Variants in GART observed in about 807,000 individuals in gnomAD.
GART encodes phosphoribosylglycinamide formyltransferase, phosphoribosylglycinamide synthetase, phosphoribosylaminoimidazole synthetase.
GART carries 43 observed loss-of-function variants against 107.2 expected under a neutral mutation model. That is an observed-to-expected ratio of 0.40 (90% CI 0.31 to 0.52). The LOEUF (loss-of-function observed/expected upper bound fraction) is 0.52, where lower values mean the gene tolerates loss of function less well. GART is among the 20% of genes least tolerant of loss of function. The pLI is 0.52. For missense variants in GART, 1,107 were observed against 1,206.5 expected, an observed-to-expected ratio of 0.92 and a Z score of 1.22; for synonymous variants, 434 against 427.0, an observed-to-expected ratio of 1.02 and a Z score of -0.20.
At chr21:33,516,263 A>G (rs1488107571) in intron 16 of GART, among the ~76,000 whole-genome samples, 2 of 150,728 alleles carry the variant, frequency 1.3e-5, no homozygotes, top group Admixed American at 6.6e-5. Context: ...AAAAAAAAAA[A>G]AAAAAGAAAA....
intron 2 of GART, 52 bp downstream of exon 2, chr21:33,539,119 T>C: frequency 6.6e-7 from 1 of 1,519,976 alleles, no homozygotes; most frequent in South Asian, 1.2e-5. Flanking sequence ...GTTGACAGCA[T>C]ACCATTAATA....
chr21:33,522,200 T>C lies in GART; in HGVS notation c.1381A>G (p.Thr461Ala). Residue 461 changes from threonine to alanine, a missense_variant, in exon 12 of 22, where the codon ACT becomes GCT. Physicochemically the swap from Thr to Ala is moderately conservative, Grantham distance 58 (BLOSUM62 0). Coordinates refer to ENST00000381815, the MANE Select transcript of GART (RefSeq NM_000819.5). Reference protein sequence around the residue: ...VKKIQPLAKATSRSGCKVDLG... With the variant: ...VKKIQPLAKAASRSGCKVDLG... ...TAGGATCACTGACCTGATCTGGAAG[T>C]GGCTTTTGCTAAAGGCTGAATTTTC... 6.2e-7 allele frequency: 1 copy of C among 1,613,112 alleles called. No homozygotes were observed.
At position 33,536,192 on chromosome 21, in the gene GART, T is replaced by A. The variant is rs138581717; in HGVS notation, c.146-872A>T. Among the ~76,000 whole-genome samples the A allele has an allele frequency of 3.5e-3, 532 of 152,306 alleles. 1 individual carries two copies. Among genetic ancestry groups the A allele is most frequent in the African/African-American group, 0.012 (480 of 41,564 alleles). On this transcript the variant is annotated intron_variant, in intron 2 of 21. Transcript: ENST00000381815. ...AAGTGAATTGAGAGGCTATTTTGGG[T>A]TGGGTCAGGAGGGATCTCTTTGGGG... is the stretch of plus-strand genomic sequence containing the variant.
At chr21:33,531,435 G>A (rs2085186651) in intron 6 of GART, 54 bp downstream of exon 6, 2 of 1,494,534 alleles carry the variant, frequency 1.3e-6, no homozygotes, top group Non-Finnish European at 9.2e-7. Context: ...GGGTACACAG[G>A]TCAGATGACA....
chr21:33,506,873 G>A (rs1200275547), intron 18 of GART, among the ~76,000 whole-genome samples: 2 of 151,964 alleles, frequency 1.3e-5, no homozygotes, highest in African/African-American at 2.4e-5. Context: ...ATATTGTCTC[G>A]CCCCGGTTAA....
chr21:33,520,858 T>G (rs976581024), intron 13 of GART, 48 bp downstream of exon 13: 1 of 1,302,444 alleles, frequency 7.7e-7, no homozygotes, highest in African/African-American at 1.5e-5. Context: ...TGATATAAAT[T>G]TCCTCATCTT....
chr21:33,523,533 G>A (rs1383598508), intron 11 of GART, among the ~76,000 whole-genome samples: 1 of 151,866 alleles, frequency 6.6e-6, no homozygotes, highest in Non-Finnish European at 1.5e-5. Context: ...TTGATTCTTG[G>A]AAAATCTGTG....
chr21:33,534,627 T>C lies in GART; in HGVS notation c.368A>G (p.Gln123Arg), dbSNP rs1229694173. 6.2e-7 allele frequency: 1 copy of C among 1,614,220 alleles called. No homozygotes were observed. Among genetic ancestry groups the C allele is most frequent in the Admixed American group, 1.7e-5 (1 of 60,024 alleles). ...FMDRHGIPTA[Q>R]WKAFTKPEEA... ...TTCAGGTTTGGTGAAAGCCTTCCAT[T>C]GTGCGGTTGGGATTCCATGTCTGTC... Residue 123 changes from glutamine (Q) to arginine (R), a missense_variant, in exon 4 of 22, where the codon CAA becomes CGA. Coordinates refer to ENST00000381815, the MANE Select transcript of GART (RefSeq NM_000819.5).
intron 10 of GART, 83 bp from the exon 11 acceptor site, chr21:33,525,083 T>G: frequency 1.4e-6 from 2 of 1,456,712 alleles, no homozygotes. Context: ...TCCACAAGTT[T>G]CTTTTTTTTT....
chr21:33,539,577 C>T (rs1423890887), intron 1 of GART, among the ~76,000 whole-genome samples: 1 of 151,546 alleles, frequency 6.6e-6, no homozygotes, highest in Non-Finnish European at 1.5e-5. Context: ...CCTGTAATCC[C>T]AGGTACTCAG....
At chr21:33,510,581 C>T (rs1325444649) in intron 17 of GART, among the ~76,000 whole-genome samples, 3 of 152,234 alleles carry the variant, frequency 2.0e-5, no homozygotes, top group Admixed American at 6.5e-5. Context: ...CCACCCGCTT[C>T]GGCCTCCCAA....
chr21:33,521,106 T>C (rs2084965530), intron 12 of GART, 91 bp from the exon 13 acceptor site: 6 of 971,316 alleles, frequency 6.2e-6, no homozygotes, highest in Middle Eastern at 2.4e-4. Flanking sequence ...AACCAGTATA[T>C]TTAGCGGCCT....
In GART at chr21:33,505,540, T is replaced by C. The variant is rs1441397329; in HGVS notation, c.2725+21A>G. ...ATTTTCAATTGATTTCCCAATGTGA[T>C]GTCAAATAATTTTTGCTTACCATTC... On this transcript the variant is annotated intron_variant, in intron 20 of 21. Transcript: ENST00000381815. 1.6e-5 allele frequency: 25 copies of C among 1,577,342 alleles called. No homozygotes were observed. The East Asian group carries it at 5.4e-4, about 34-fold the overall frequency.
chr21:33,522,764 C>T (rs901522061), intron 11 of GART, among the ~76,000 whole-genome samples: 3 of 152,130 alleles, frequency 2.0e-5, no homozygotes, highest in African/African-American at 7.2e-5. Flanking sequence ...ACGTCTGTCC[C>T]AGTTAAATAA....
intron 10 of GART, among the ~76,000 whole-genome samples, chr21:33,526,024 C>G (rs1031635883): frequency 6.6e-6 from 1 of 151,820 alleles, no homozygotes; most frequent in Non-Finnish European, 1.5e-5. Context: ...TGCCCACCAC[C>G]ATGCCCGGCT....
At chr21:33,504,924 G>T (rs1309664131) in intron 20 of GART, among the ~76,000 whole-genome samples, 2 of 152,216 alleles carry the variant, frequency 1.3e-5, no homozygotes, top group African/African-American at 4.8e-5. Context: ...GTTCTGTGTG[G>T]CTCATGTCAC....
intron 18 of GART, among the ~76,000 whole-genome samples, chr21:33,508,119 G>A (rs2084716447): frequency 6.6e-6 from 1 of 152,150 alleles, no homozygotes; most frequent in African/African-American, 2.4e-5. Flanking sequence ...CATCCATATT[G>A]CTGCAAACGA....
chr21:33,518,605 A>G (rs1318491355), intron 14 of GART: 5 of 316,592 alleles, frequency 1.6e-5, no homozygotes, highest in African/African-American at 2.2e-5. Flanking sequence ...AATTTCAGAA[A>G]GCAGTCATAA....
intron 14 of GART, chr21:33,518,759 G>A: frequency 2.1e-6 from 1 of 466,060 alleles, no homozygotes. Context: ...AGCAAGCAGT[G>A]CTTTTCCATC....
Sources: allele counts gnomAD v4.1 joint callset (sites outside exome capture counted in the v4.1 genomes callset), GRCh38; gene constraint gnomAD v4.1.1; transcripts MANE v1.5; gene names NCBI Gene and HGNC (gene_info 2026-07-23, HGNC 2026-07-21).